Variants in HACD2 observed in about 807,000 individuals in gnomAD.
HACD2 encodes very-long-chain (3R)-3-hydroxyacyl-CoA dehydratase 2.
Under a neutral mutation model 31.0 loss-of-function variants are expected in HACD2, and 15 were observed. That is an observed-to-expected ratio of 0.48 (90% CI 0.32 to 0.75). The LOEUF (loss-of-function observed/expected upper bound fraction) is 0.75. Among genes scored for constraint, HACD2 ranks in the 30% least tolerant of loss-of-function variants. HACD2 has a pLI of 0.03. For synonymous variants in HACD2, 115 were observed against 122.2 expected (o/e 0.94, Z 0.39); for missense variants, 283 against 313.0 (o/e 0.90, Z 0.72).
chr3:123,495,059 C>G, intron 6 of HACD2, 89 bp from the exon 7 acceptor site: 1 of 768,076 alleles, frequency 1.3e-6, no homozygotes, highest in Non-Finnish European at 2.1e-6. Context: ...CCTCTCTGAC[C>G]CTCTGACTAA....
chr3:123,548,056 A>T (rs1655410953), intron 3 of HACD2, among the ~76,000 whole-genome samples: 1 of 152,092 alleles, frequency 6.6e-6, no homozygotes, highest in Non-Finnish European at 1.5e-5. Flanking sequence ...ACCTAGGAAG[A>T]AAAAAATCAG....
rs535880162 is a variant in HACD2, at chr3:123,552,942, G to A, written c.292+14820C>T. Among the ~76,000 whole-genome samples the A allele has an allele frequency of 4.6e-5, 7 of 152,274 alleles. No individual in the cohort carries two copies. The East Asian group carries it at 1.2e-3, about 25-fold the overall frequency. On this transcript the variant is annotated intron_variant, in intron 3 of 6. Transcript: ENST00000383657. The stretch of plus-strand genomic sequence containing the variant: ...TAGGATAAGCAAAGAAGAGGGATCA[G>A]AGTAAAGCAGTTGAAAGGGAAGGAG...
At chr3:123,580,167 A>C (rs2056950371) in intron 2 of HACD2, among the ~76,000 whole-genome samples, 1 of 117,370 alleles carries the variant, frequency 8.5e-6, no homozygotes, top group Non-Finnish European at 1.6e-5. Flanking sequence ...GCCCTGTGTC[A>C]AAAAAAAAAA....
chr3:123,562,764 G>C (rs2056748214), intron 3 of HACD2, among the ~76,000 whole-genome samples: 1 of 152,120 alleles, frequency 6.6e-6, no homozygotes, highest in African/African-American at 2.4e-5. Flanking sequence ...GTCTGACTCA[G>C]GTCTATACTT....
intron 2 of HACD2, 54 bp from the exon 3 acceptor site, chr3:123,567,834 A>T (rs2056809212): frequency 8.2e-7 from 1 of 1,222,382 alleles, no homozygotes; most frequent in Non-Finnish European, 1.1e-6. Context: ...AAGATATTAA[A>T]GTTTTATTTC....
At position 123,570,945 on chromosome 3, in the gene HACD2, T is replaced by C. The variant is rs113703413; in HGVS notation, c.274-3165A>G. 1.9e-3 allele frequency among the ~76,000 whole-genome samples: 186 copies of C among 98,800 alleles called. No homozygotes were observed. The East Asian group carries it at 0.021, about 11-fold the overall frequency. The allele number at this position is 98,800 out of a possible 152,430, so 64.8% of individuals were successfully genotyped here. On this transcript the variant is annotated intron_variant, in intron 2 of 6. Coordinates refer to ENST00000383657, the MANE Select transcript of HACD2 (RefSeq NM_198402.5). ...ACACACACACACACACACACACACA[T>C]ACACACACACACAGGCAATAATATG...
At chr3:123,508,454 T>C (rs2056006649) in intron 4 of HACD2, among the ~76,000 whole-genome samples, 1 of 152,338 alleles carries the variant, frequency 6.6e-6, no homozygotes, top group Non-Finnish European at 1.5e-5. Flanking sequence ...TAGCATCATA[T>C]GTTTGACTTT....
intron 2 of HACD2, among the ~76,000 whole-genome samples, chr3:123,570,650 T>C (rs1003638608): frequency 1.3e-5 from 2 of 152,144 alleles, no homozygotes; most frequent in East Asian, 1.9e-4. Context: ...TGTCATGGGA[T>C]GGGGTCGGAG....
chr3:123,580,898 C>G (rs1462788694), intron 2 of HACD2, among the ~76,000 whole-genome samples: 1 of 145,742 alleles, frequency 6.9e-6, no homozygotes, highest in Non-Finnish European at 1.5e-5. Flanking sequence ...TTCTGTTGCC[C>G]AGGCTGGAGT....
rs140103367 is a variant in HACD2, at chr3:123,531,016, C to T, written c.293-2542G>A. Among the ~76,000 whole-genome samples the T allele has an allele frequency of 2.1e-4, 32 of 151,852 alleles. No individual in the cohort carries two copies. In the East Asian group the frequency reaches 2.4e-3, roughly 11 times the overall value. On this transcript the variant is annotated intron_variant, in intron 3 of 6. Transcript: ENST00000383657. The stretch of plus-strand genomic sequence containing the variant: ...CCGAGTGGCTGGGATTATAGGCACG[C>T]GCTACCATGCCCAGTTCATTTTTGT...
chr3:123,531,285 C>A (rs971841769), intron 3 of HACD2, among the ~76,000 whole-genome samples: 5 of 151,838 alleles, frequency 3.3e-5, no homozygotes, highest in African/African-American at 1.2e-4. Context: ...ATTTGTCTCC[C>A]TTTCAAAAAT....
chr3:123,545,856 C>T (rs1022850705), intron 3 of HACD2, among the ~76,000 whole-genome samples: 4 of 151,602 alleles, frequency 2.6e-5, no homozygotes, highest in African/African-American at 4.8e-5. Context: ...GGATTACAGG[C>T]GTGCACCACC....
intron 4 of HACD2, among the ~76,000 whole-genome samples, chr3:123,518,412 T>C (rs1390124766): frequency 6.6e-6 from 1 of 152,302 alleles, no homozygotes; most frequent in East Asian, 1.9e-4. Flanking sequence ...TCTTTTAAAA[T>C]CCTGTGGGAC....
chr3:123,511,134 C>G (rs1222943411), intron 4 of HACD2, among the ~76,000 whole-genome samples: 1 of 151,938 alleles, frequency 6.6e-6, no homozygotes, highest in Non-Finnish European at 1.5e-5. Context: ...TTTTTAGTAT[C>G]TCTTTTTAAT....
rs192582982 is a variant in HACD2 at position 123,577,396 on chromosome 3, C to T, written c.273+4816G>A. Among the ~76,000 whole-genome samples the T allele has an allele frequency of 3.7e-3, 563 of 152,042 alleles. 3 individuals carry two copies. The highest frequency in any genetic ancestry group is 0.013 in the African/African-American group (537 of 41,494). On this transcript the variant is annotated intron_variant, in intron 2 of 6. Coordinates refer to ENST00000383657, the MANE Select transcript of HACD2 (RefSeq NM_198402.5). The stretch of plus-strand genomic sequence containing the variant: ...CAGCAATTTGGGAGGCCGAGGCTGG[C>T]GGATCATGAGGTCAGGAGATCGAGA...
chr3:123,505,793 G>T (rs1041103672), intron 4 of HACD2, among the ~76,000 whole-genome samples: 4 of 152,356 alleles, frequency 2.6e-5, no homozygotes, highest in Middle Eastern at 3.4e-3. Flanking sequence ...ATATGTAAAA[G>T]GATACCATGA....
At chr3:123,568,043 T>C (rs1413649449) in intron 2 of HACD2, among the ~76,000 whole-genome samples, 1 of 152,230 alleles carries the variant, frequency 6.6e-6, no homozygotes, top group African/African-American at 2.4e-5. Context: ...TCCCACTCAG[T>C]AGCTTATCAG....
At position 123,519,044 on chromosome 3, in the gene HACD2, G is replaced by C. The variant is rs1017656836; in HGVS notation, c.381+9342C>G. On this transcript the variant is annotated intron_variant, in intron 4 of 6. Transcript: ENST00000383657. ...AAGCAGAGCAAGAGGAAGTGAGAGG[G>C]AGAAGGTGCCAAAACCTGTCCTGCT... is the stretch of plus-strand genomic sequence containing the variant. Among the ~76,000 whole-genome samples the C allele has an allele frequency of 6.0e-5, 9 of 149,246 alleles. No individual in the cohort carries two copies. In the Admixed American group the frequency reaches 6.0e-4, roughly 10 times the overall value.
chr3:123,524,134 A>G (rs563410129), intron 4 of HACD2, among the ~76,000 whole-genome samples: 49 of 152,220 alleles, frequency 3.2e-4, no homozygotes, highest in Non-Finnish European at 6.5e-4. Context: ...ACTAAGTAGA[A>G]AAGTAAATTA....
Sources: gnomAD v4.1 joint callset for allele counts (sites outside exome capture counted in the v4.1 genomes callset) on GRCh38, gnomAD v4.1.1 for gene constraint, MANE v1.5 for transcripts, NCBI Gene and HGNC (gene_info 2026-07-23, HGNC 2026-07-21) for gene names.